The following PALS2 variants were observed in gnomAD, a reference collection of about 807,000 sequenced individuals.
PALS2 encodes protein PALS2.
PALS2 carries 27 observed loss-of-function variants against 61.6 expected under a neutral mutation model. The observed-to-expected ratio is 0.44, with a 90% CI of 0.32 to 0.60. The LOEUF is 0.60. Ranked by LOEUF, PALS2 falls within the 20% of genes least tolerant of loss-of-function variation. The probability of loss-of-function intolerance (pLI) is 0.05; values close to 1 mark genes in which losing one functional copy is unlikely to be tolerated. For synonymous variants in PALS2, 236 were observed against 218.6 expected, an observed-to-expected ratio of 1.08 and a Z score of -0.70; for missense variants, 554 against 639.4, an observed-to-expected ratio of 0.87 and a Z score of 1.44.
chr7:24,636,817 T>G (rs1785262506), intron 2 of PALS2, among the ~76,000 whole-genome samples: 1 of 152,214 alleles, frequency 6.6e-6, no homozygotes, highest in African/African-American at 2.4e-5. Flanking sequence ...GGAAATTAGC[T>G]TTCTGTCTTG....
At chr7:24,604,760 GTCTAACCCTAA>G (rs1783837195) in intron 1 of PALS2, among the ~76,000 whole-genome samples, 1 of 152,168 alleles carries the variant, frequency 6.6e-6, no homozygotes, top group South Asian at 2.1e-4. Context: ...TCATGACCTA[GTCTAACCCTAA>G]TCACCTCCCC....
chr7:24,673,644 T>C (rs147172880), intron 9 of PALS2, among the ~76,000 whole-genome samples: 116 of 152,270 alleles, frequency 7.6e-4, no homozygotes, highest in African/African-American at 2.7e-3. Flanking sequence ...GTAATGTTTT[T>C]TCTTTCATTT....
intron 3 of PALS2, among the ~76,000 whole-genome samples, chr7:24,643,401 A>T (rs573016689): frequency 6.6e-6 from 1 of 152,324 alleles, no homozygotes; most frequent in Non-Finnish European, 1.5e-5. Flanking sequence ...TTGTACTCTT[A>T]GCGCATATTC....
At chr7:24,579,797 C>A (rs796360335) in intron 1 of PALS2, among the ~76,000 whole-genome samples, 1 of 152,124 alleles carries the variant, frequency 6.6e-6, no homozygotes, top group African/African-American at 2.4e-5. Context: ...TTTGATAAAT[C>A]TACTTAGAAT....
chr7:24,651,661 A>G (rs1786156917), intron 5 of PALS2, among the ~76,000 whole-genome samples: 2 of 152,186 alleles, frequency 1.3e-5, no homozygotes, highest in Non-Finnish European at 2.9e-5. Flanking sequence ...TGTTGGAACC[A>G]AAGAGAGGGT....
chr7:24,588,301 T>C (rs994076196), intron 1 of PALS2, among the ~76,000 whole-genome samples: 1 of 151,848 alleles, frequency 6.6e-6, no homozygotes, highest in Non-Finnish European at 1.5e-5. Flanking sequence ...CATTGTGTTC[T>C]TATCTTAAGG....
intron 2 of PALS2, among the ~76,000 whole-genome samples, chr7:24,638,697 A>C (rs1438221381): frequency 6.6e-6 from 1 of 152,022 alleles, no homozygotes; most frequent in Non-Finnish European, 1.5e-5. Flanking sequence ...GATATGAAAA[A>C]ATCTTCAGAT....
rs191705628 is a variant in PALS2 at position 24,592,162 on chromosome 7, C to T, written c.-3+18569C>T. Among the ~76,000 whole-genome samples, 6 of 152,058 alleles carry T rather than the reference C, an allele frequency of 3.9e-5. No individual in the cohort carries two copies. In the East Asian group the frequency reaches 7.7e-4, roughly 20 times the overall value. ...ATGACCACAAAAGCTCTGTAAGTAT[C>T]GATTATTGGATTAAAAGTAAATTTT... On this transcript the variant is annotated intron_variant, in intron 1 of 11. Transcript: ENST00000222644.
chr7:24,679,117 A>G lies in PALS2; in HGVS notation c.1115-14A>G. 6.2e-7 allele frequency: 1 copy of G among 1,610,372 alleles called. No individual in the cohort carries two copies. On this transcript the variant is annotated splice_polypyrimidine_tract_variant and intron_variant, in intron 9 of 11. Coordinates refer to ENST00000222644, the MANE Select transcript of PALS2 (RefSeq NM_001303037.2). ...AATTTCTTTGTACAAAAATCTCAAC[A>G]CTATTTTATTTAGTTACTTCACGGA... is the stretch of plus-strand genomic sequence containing the variant.
Position 24,573,813 on chromosome 7 carries a change from C to T in PALS2, c.-3+220C>T, listed in dbSNP as rs1309128870. 1.3e-5 allele frequency among the ~76,000 whole-genome samples: 2 copies of T among 149,020 alleles called. No individual in the cohort carries two copies. Among genetic ancestry groups the T allele is most frequent in the South Asian group, 2.1e-4 (1 of 4,818 alleles). ...GCTGCTGGCCGCCCCCAGCCCGGCC[C>T]GCGCGGAAGGGGCGCTCGGCCGGGC... On this transcript the variant is annotated intron_variant, in intron 1 of 11. Transcript: ENST00000222644. This position sits in a 1 kb window ranked among gnomAD's most constrained non-coding sequence, Gnocchi z 5.3.
In PALS2 at chr7:24,599,914, A is replaced by G. The variant is rs1303375857; in HGVS notation, c.-2-23752A>G. ...ACACAGGGTCAGGATCATCAATATC[A>G]GTGTCTTCTACCTTCACATCATGTC... is the stretch of plus-strand genomic sequence containing the variant. On this transcript the variant is annotated intron_variant, in intron 1 of 11. Transcript: ENST00000222644. Among the ~76,000 whole-genome samples the G allele has an allele frequency of 3.3e-5, 5 of 152,070 alleles. No homozygotes were observed. The East Asian group carries it at 9.6e-4, about 29-fold the overall frequency.
chr7:24,630,778 G>A (rs941988992), intron 2 of PALS2, among the ~76,000 whole-genome samples: 1 of 152,192 alleles, frequency 6.6e-6, no homozygotes, highest in Non-Finnish European at 1.5e-5. Context: ...ATTCTACTCT[G>A]CCTGTGCCCT....
intron 1 of PALS2, among the ~76,000 whole-genome samples, chr7:24,585,543 G>T (rs2128041262): frequency 6.6e-6 from 1 of 152,066 alleles, no homozygotes; most frequent in East Asian, 1.9e-4. Context: ...TTGCTATATA[G>T]CCAAGTCGGT....
intron 9 of PALS2, among the ~76,000 whole-genome samples, chr7:24,673,869 T>C (rs1035102790): frequency 6.6e-6 from 1 of 152,144 alleles, no homozygotes; most frequent in Admixed American, 6.6e-5. Context: ...ATTAGATTAT[T>C]GATTTGAGAT....
intron 9 of PALS2, among the ~76,000 whole-genome samples, chr7:24,677,613 G>A (rs1340223439): frequency 1.3e-5 from 2 of 152,052 alleles, no homozygotes; most frequent in Admixed American, 6.6e-5. Flanking sequence ...GGCCTTTTCT[G>A]CATCTATTGA....
intron 9 of PALS2, among the ~76,000 whole-genome samples, chr7:24,678,594 G>A (rs933963905): frequency 4.6e-5 from 7 of 152,166 alleles, no homozygotes; most frequent in Non-Finnish European, 7.3e-5. Context: ...GGGCAGTTAG[G>A]AAGTGTTAAT....
intron 5 of PALS2, among the ~76,000 whole-genome samples, chr7:24,662,768 GAAAAAAAAAAAAAAAAA>G (rs59367702): frequency 9.7e-6 from 1 of 102,612 alleles, no homozygotes; most frequent in Non-Finnish European, 2.3e-5. Flanking sequence ...GACTCCATCT[GAAAAAAAAAAAAAAAAA>G]AAAAAAAAAA....
Position 24,693,810 on chromosome 7 carries a change from A to C in PALS2, c.*6196A>C, listed in dbSNP as rs770219386. On this transcript the variant is annotated 3_prime_UTR_variant, in exon 12 of 12. Coordinates refer to ENST00000222644, the MANE Select transcript of PALS2 (RefSeq NM_001303037.2). ...AGCACTAGTATTCAGCAACAAGTGC[A>C]ATTTCTCCATGTTATGTTGAGCTCT... 6.6e-6 allele frequency: 1 copy of C among 152,196 alleles called. No homozygotes were observed. The highest frequency in any genetic ancestry group is 1.5e-5 in the Non-Finnish European group (1 of 68,030). The allele number at this position is 152,196 out of a possible 1,614,324, so 9.4% of individuals were successfully genotyped here. A position where few individuals can be genotyped will look rare whatever the true frequency, so the allele number is the denominator to read the frequency against.
chr7:24,657,763 C>G (rs931085482), intron 5 of PALS2, among the ~76,000 whole-genome samples: 47 of 151,916 alleles, frequency 3.1e-4, no homozygotes, highest in African/African-American at 1.0e-3. Flanking sequence ...TTAAGAAGTC[C>G]TTGTATAACC....
Sources: allele counts gnomAD v4.1 joint callset (sites outside exome capture counted in the v4.1 genomes callset), GRCh38; gene constraint gnomAD v4.1.1; non-coding constraint Gnocchi (gnomAD v3.1); transcripts MANE v1.5; gene names NCBI Gene and HGNC (gene_info 2026-07-23, HGNC 2026-07-21).